Variants in KIAA1217 observed in about 807,000 individuals in gnomAD.
The protein encoded by KIAA1217 is sickle tail protein homolog.
Under a neutral mutation model 163.9 loss-of-function variants are expected in KIAA1217, and 88 were observed. The ratio of observed to expected loss-of-function variants is 0.54; its 90% CI spans 0.45 to 0.64. The LOEUF (loss-of-function observed/expected upper bound fraction) is 0.64, where lower values mean the gene tolerates loss of function less well. Ranked by LOEUF, KIAA1217 falls within the 30% of genes least tolerant of loss-of-function variation. KIAA1217 has a pLI of 0.00. For synonymous variants in KIAA1217, 903 were observed against 923.1 expected, an observed-to-expected ratio of 0.98 and a Z score of 0.39; for missense variants, 2,372 against 2,475.0, an observed-to-expected ratio of 0.96 and a Z score of 0.88.
intron 2 of KIAA1217, among the ~76,000 whole-genome samples, chr10:24,311,016 C>CA (rs1201606487): frequency 2.6e-5 from 4 of 152,042 alleles, no homozygotes; most frequent in Non-Finnish European, 4.4e-5. Flanking sequence ...CAAAACAAAG[C>CA]AAAAAAATGA....
chr10:24,196,484 G>T (rs908890165), intron 2 of KIAA1217, among the ~76,000 whole-genome samples: 2 of 152,202 alleles, frequency 1.3e-5, no homozygotes, highest in Non-Finnish European at 2.9e-5. Context: ...TATGATTCCT[G>T]ATTCTTGCTG....
intron 2 of KIAA1217, among the ~76,000 whole-genome samples, chr10:24,117,893 C>T (rs902349655): frequency 4.0e-5 from 6 of 151,792 alleles, no homozygotes; most frequent in Non-Finnish European, 7.4e-5. Context: ...ATGCTGATAA[C>T]ATTTTAAATT....
At chr10:24,133,261 G>C (rs2063718217) in intron 2 of KIAA1217, among the ~76,000 whole-genome samples, 1 of 152,090 alleles carries the variant, frequency 6.6e-6, no homozygotes, top group Admixed American at 6.5e-5. Context: ...TGGTTAAGCT[G>C]TCATGATTCT....
chr10:23,777,484 A>C (rs970490109), intron 1 of KIAA1217, among the ~76,000 whole-genome samples: 3 of 152,226 alleles, frequency 2.0e-5, no homozygotes, highest in African/African-American at 4.8e-5. Context: ...GTCATTCACA[A>C]CATTTTACAA....
chr10:24,341,084 T>G (rs1010941190), intron 2 of KIAA1217, among the ~76,000 whole-genome samples: 4 of 152,250 alleles, frequency 2.6e-5, no homozygotes, highest in African/African-American at 7.2e-5. Context: ...CAAGTCCATA[T>G]GGATTAGATC....
chr10:23,722,695 G>C (rs1837933863), intron 1 of KIAA1217, among the ~76,000 whole-genome samples: 1 of 152,158 alleles, frequency 6.6e-6, no homozygotes, highest in South Asian at 2.1e-4. Context: ...TATTGGTGAG[G>C]AAACTCTTAC....
At chr10:24,135,923 A>T (rs947247305) in intron 2 of KIAA1217, among the ~76,000 whole-genome samples, 4 of 152,338 alleles carry the variant, frequency 2.6e-5, no homozygotes, top group African/African-American at 9.6e-5. Context: ...TATAGGTATT[A>T]CAACTTTCAT....
At chr10:24,420,918 T>C (rs72776761) in intron 3 of KIAA1217, among the ~76,000 whole-genome samples, 10,613 of 152,274 alleles carry the variant, frequency 0.07, 448 homozygotes, top group Non-Finnish European at 0.094. Flanking sequence ...TTAATAGTGC[T>C]GATACCTGGT....
chr10:24,529,537 G>A (rs148265340), intron 14 of KIAA1217, among the ~76,000 whole-genome samples: 38 of 152,076 alleles, frequency 2.5e-4, no homozygotes, highest in African/African-American at 8.7e-4. Context: ...TGAATCCACA[G>A]ATGTGGAACC....
intron 5 of KIAA1217, among the ~76,000 whole-genome samples, chr10:24,459,709 G>A (rs1220189233): frequency 6.6e-6 from 1 of 152,136 alleles, no homozygotes; most frequent in Non-Finnish European, 1.5e-5. Context: ...GATTTCTTGA[G>A]GCAAGGAGTT....
intron 2 of KIAA1217, among the ~76,000 whole-genome samples, chr10:24,072,979 GC>G (rs1256935777): frequency 6.6e-6 from 1 of 151,380 alleles, no homozygotes; most frequent in Non-Finnish European, 1.5e-5. Context: ...CATCACTTGA[GC>G]CTGGGATGTC....
intron 1 of KIAA1217, among the ~76,000 whole-genome samples, chr10:23,723,153 G>A (rs7921399): frequency 0.038 from 5,752 of 152,116 alleles, 331 homozygotes; most frequent in African/African-American, 0.13. Context: ...GCTCATGGCC[G>A]TGACCACTTT....
chr10:24,418,878 A>G (rs2058492778), intron 3 of KIAA1217, among the ~76,000 whole-genome samples: 1 of 148,192 alleles, frequency 6.7e-6, no homozygotes, highest in South Asian at 2.1e-4. Context: ...TTTTGTTCTT[A>G]TCTTTAAGAA....
chr10:23,930,511 G>C (rs11013794), intron 1 of KIAA1217, among the ~76,000 whole-genome samples: 2 of 152,024 alleles, frequency 1.3e-5, no homozygotes, highest in Non-Finnish European at 1.5e-5. Context: ...TTTCACATTC[G>C]AATGTTTCTA....
At chr10:24,461,793 C>T (rs557761848) in intron 5 of KIAA1217, among the ~76,000 whole-genome samples, 1 of 152,180 alleles carries the variant, frequency 6.6e-6, no homozygotes, top group African/African-American at 2.4e-5. Flanking sequence ...TAATGCTCTA[C>T]CTAGCTATTT....
At chr10:24,037,142 A>C (rs1589267433) in intron 2 of KIAA1217, among the ~76,000 whole-genome samples, 1 of 152,090 alleles carries the variant, frequency 6.6e-6, no homozygotes, top group East Asian at 1.9e-4. Context: ...CATTGTGGGG[A>C]GATACTAGCC....
chr10:24,525,099 G>A (rs117659900), intron 13 of KIAA1217, among the ~76,000 whole-genome samples: 1,750 of 152,152 alleles, frequency 0.012, 18 homozygotes, highest in Non-Finnish European at 0.017. Flanking sequence ...GGGCAGAGTG[G>A]GTGCGTGCAG....
At chr10:24,220,262 T>C (rs944110529) in intron 2 of KIAA1217, among the ~76,000 whole-genome samples, 3 of 152,148 alleles carry the variant, frequency 2.0e-5, no homozygotes, top group African/African-American at 7.2e-5. Context: ...GAGGAAAGCA[T>C]GGCACCAACT....
At chr10:24,377,558 C>T (rs541365640) in intron 2 of KIAA1217, among the ~76,000 whole-genome samples, 3 of 152,158 alleles carry the variant, frequency 2.0e-5, no homozygotes, top group Admixed American at 2.0e-4. Flanking sequence ...TTTGCTTCCC[C>T]CTTTTTTGGT....
Sources: gnomAD v4.1 joint callset for allele counts (sites outside exome capture counted in the v4.1 genomes callset) on GRCh38, gnomAD v4.1.1 for gene constraint, MANE v1.5 for transcripts, NCBI Gene and HGNC (gene_info 2026-07-23, HGNC 2026-07-21) for gene names.